The following SMU1 variants were observed in gnomAD, a reference collection of about 807,000 sequenced individuals.
The protein encoded by SMU1 is WD40 repeat-containing protein SMU1.
In SMU1, 2 loss-of-function variants were observed where a neutral mutation model predicts 62.0. The ratio of observed to expected loss-of-function variants is 0.03; its 90% CI spans 0.01 to 0.10. The LOEUF (loss-of-function observed/expected upper bound fraction) is 0.10, where lower values mean the gene tolerates loss of function less well. Among genes scored for constraint, SMU1 ranks in the 10% least tolerant of loss-of-function variants. The probability of loss-of-function intolerance (pLI) is 1.00; values close to 1 mark genes in which losing one functional copy is unlikely to be tolerated. For missense variants in SMU1, 227 were observed against 622.1 expected, an observed-to-expected ratio of 0.36 and a Z score of 6.76; for synonymous variants, 188 against 212.4, an observed-to-expected ratio of 0.89 and a Z score of 1.00.
rs1839184182 is a variant in SMU1 at position 33,046,336 on chromosome 9, G to A, written c.*957C>T. 6.6e-6 allele frequency: 1 copy of A among 152,194 alleles called. No individual in the cohort carries two copies. The highest frequency in any genetic ancestry group is 1.5e-5 in the Non-Finnish European group (1 of 68,050). The allele number at this position is 152,194 out of a possible 1,614,324, so 9.4% of individuals were successfully genotyped here. A position where few individuals can be genotyped will look rare whatever the true frequency, so the allele number is the denominator to read the frequency against. ...ATATTCCCTGGAGTTGACTGAACAT[G>A]TGAGAAGGCACAGCTCAGAAGGAGA... On this transcript the variant is annotated 3_prime_UTR_variant, in exon 12 of 12. Coordinates refer to ENST00000397149, the MANE Select transcript of SMU1 (RefSeq NM_018225.3).
At chr9:33,062,352 A>C (rs1342431636) in intron 4 of SMU1, among the ~76,000 whole-genome samples, 175 bp from the exon 5 acceptor site, 1 of 152,196 alleles carries the variant, frequency 6.6e-6, no homozygotes. Context: ...TGTGTGTCCA[A>C]GAACACAGGC....
intron 6 of SMU1, among the ~76,000 whole-genome samples, chr9:33,059,043 A>C (rs1210060585): frequency 6.6e-6 from 1 of 152,174 alleles, no homozygotes; most frequent in African/African-American, 2.4e-5. Flanking sequence ...CACATAGAAA[A>C]AGATGTTTAA....
Position 33,041,830 on chromosome 9 carries a change from G to A in SMU1, c.*5463C>T, listed in dbSNP as rs1316904179. ...ATACATGGATGAACCTTTAAAACAT[G>A]CTAAATGAAATAAGCCAGATAAAAA... On this transcript the variant is annotated 3_prime_UTR_variant, in exon 12 of 12. Transcript: ENST00000397149. The A allele has an allele frequency of 6.6e-6, 1 of 151,056 alleles. No individual in the cohort carries two copies. Among genetic ancestry groups the A allele is most frequent in the African/African-American group, 2.5e-5 (1 of 40,414 alleles). The allele number at this position is 151,056 out of a possible 1,614,324, so 9.4% of individuals were successfully genotyped here.
At chr9:33,060,773 T>G (rs1839353766) in intron 5 of SMU1, among the ~76,000 whole-genome samples, 189 bp from the exon 6 acceptor site, 1 of 152,330 alleles carries the variant, frequency 6.6e-6, no homozygotes, top group African/African-American at 2.4e-5. Context: ...CTGACTTAGT[T>G]TTAAGTCCAG....
Position 33,073,650 on chromosome 9 carries a change from C to T in SMU1, c.183G>A (p.Gln61=), listed in dbSNP as rs779071926. The change falls in exon 2 of 12, where the codon CAG becomes CAA. Residue 61 remains glutamine (Q), a synonymous_variant. Transcript: ENST00000397149. The stretch of plus-strand genomic sequence containing the variant: ...CTGGCAATTTCAGAGACTGTATAGC[C>T]TGCAACACAGTATCCCAATGGCCAC... ...INSGHWDTVL[Q]AIQSLKLPDK... is the part of the protein sequence containing the mutation. 2 of 1,613,150 alleles carry T rather than the reference C, an allele frequency of 1.2e-6. No homozygotes were observed. The highest frequency in any genetic ancestry group is 1.7e-6 in the Non-Finnish European group (2 of 1,179,844).
intron 6 of SMU1, among the ~76,000 whole-genome samples, chr9:33,058,936 A>G (rs1564022070): frequency 6.6e-6 from 1 of 152,158 alleles, no homozygotes; most frequent in Non-Finnish European, 1.5e-5. Flanking sequence ...TCAATAAAGA[A>G]CAATCCAACA....
chr9:33,075,928 C>A (rs115858067), intron 1 of SMU1, among the ~76,000 whole-genome samples: 126 of 152,304 alleles, frequency 8.3e-4, no homozygotes, highest in African/African-American at 2.9e-3. Context: ...AGCCCAGTCT[C>A]CAGTCTGTCT....
chr9:33,061,209 A>G (rs535244110), intron 5 of SMU1, among the ~76,000 whole-genome samples: 6 of 152,342 alleles, frequency 3.9e-5, no homozygotes, highest in African/African-American at 1.4e-4. Flanking sequence ...TAGAAAGAAC[A>G]AAGAAAAGCT....
At chr9:33,052,145 A>G (rs989731918) in intron 10 of SMU1, among the ~76,000 whole-genome samples, 1 of 152,162 alleles carries the variant, frequency 6.6e-6, no homozygotes, top group African/African-American at 2.4e-5. Context: ...AAAAGAATGC[A>G]TGTAAAAACT....
chr9:33,048,040 T>G, intron 11 of SMU1, 66 bp downstream of exon 11: 3 of 1,502,458 alleles, frequency 2.0e-6, no homozygotes, highest in Non-Finnish European at 2.7e-6. Context: ...AGGCACATAC[T>G]TCAGAGTTCA....
At chr9:33,062,617 G>A (rs1839375694) in intron 4 of SMU1, among the ~76,000 whole-genome samples, 1 of 151,742 alleles carries the variant, frequency 6.6e-6, no homozygotes, top group East Asian at 1.9e-4. Flanking sequence ...CTATCAACAG[G>A]TCATATTAGT....
chr9:33,056,976 A>G lies in SMU1; in HGVS notation c.868-12T>C. Reference sequence around the variant, plus strand: ...TGAATCTTCCACACCTTTATTTGAAAAAAAAAAAAGAATTAAAAAAACCTT... The same window carrying G: ...TGAATCTTCCACACCTTTATTTGAAGAAAAAAAAAGAATTAAAAAAACCTT... On this transcript the variant is annotated splice_polypyrimidine_tract_variant and intron_variant, in intron 7 of 11. Transcript: ENST00000397149. 3 of 1,571,828 alleles carry G rather than the reference A, an allele frequency of 1.9e-6. No homozygotes were observed. Among genetic ancestry groups the G allele is most frequent in the Non-Finnish European group, 2.6e-6 (3 of 1,159,528 alleles).
chr9:33,070,453 C>A (rs1016225873), intron 3 of SMU1, among the ~76,000 whole-genome samples: 2 of 152,170 alleles, frequency 1.3e-5, no homozygotes, highest in African/African-American at 4.8e-5. Flanking sequence ...ATTAGTACAA[C>A]CACTATGGAG....
rs1554681863 is a variant in SMU1, at chr9:33,072,848, A to AAC, written c.237+747_237+748insGT. ...TGTCTCAAAAAAAAAACAAAAAAAA[A>AAC]AACCCGTAAACAAAAACCAAAAACC... On this transcript the variant is annotated intron_variant, in intron 2 of 11. Coordinates refer to ENST00000397149, the MANE Select transcript of SMU1 (RefSeq NM_018225.3). Among the ~76,000 whole-genome samples the AAC allele has an allele frequency of 5.6e-3, 841 of 151,484 alleles. 15 individuals carry two copies. The highest frequency in any genetic ancestry group is 0.02 in the African/African-American group (807 of 40,972).
intron 2 of SMU1, among the ~76,000 whole-genome samples, chr9:33,072,763 A>T (rs1839500992): frequency 6.9e-6 from 1 of 144,226 alleles, no homozygotes; most frequent in South Asian, 2.2e-4. Context: ...CCGGAGATGG[A>T]GGTTGCAGTG....
At chr9:33,056,305 T>G (rs11791939) in intron 8 of SMU1, 66 bp from the exon 9 acceptor site, 201,771 of 1,464,126 alleles carry the variant, frequency 0.14, 14,557 homozygotes, top group Non-Finnish European at 0.15. Flanking sequence ...GACCAACGAT[T>G]GAATGCATTT....
rs2119411746 is a variant in SMU1, at chr9:33,044,497, C to A, written c.*2796G>T. ...CGCCCTGCGCGTGCGCGGCCCGACC[C>A]CGCCGCGGTCTGGCTGTAAGGGCGC... On this transcript the variant is annotated 3_prime_UTR_variant, in exon 12 of 12. Coordinates refer to ENST00000397149, the MANE Select transcript of SMU1 (RefSeq NM_018225.3). The A allele has an allele frequency of 6.6e-6, 1 of 152,506 alleles. No homozygotes were observed. 9.4% of individuals were successfully genotyped at this position (152,506 alleles called of 1,614,324 possible). A position where few individuals can be genotyped will look rare whatever the true frequency, so the allele number is the denominator to read the frequency against.
rs41298163 is a variant in SMU1 at position 33,053,346 on chromosome 9, T to A, written c.1123-56A>T. 30,491 of 1,505,356 alleles carry A rather than the reference T, an allele frequency of 0.02. 390 individuals are homozygous for A. Among genetic ancestry groups the A allele is most frequent in the Non-Finnish European group, 0.023 (26,010 of 1,108,376 alleles). The allele number at this position is 1,505,356 out of a possible 1,614,324, so 93.2% of individuals were successfully genotyped here. On this transcript the variant is annotated intron_variant, in intron 9 of 11. Coordinates refer to ENST00000397149, the MANE Select transcript of SMU1 (RefSeq NM_018225.3). ...TTTTTAGGTATAAAAATTTCTAAAGTTTTAGGGTTTAAAATATTAACAGTT... is the reference window on the plus strand; with the variant it reads ...TTTTTAGGTATAAAAATTTCTAAAGATTTAGGGTTTAAAATATTAACAGTT...
chr9:33,069,634 C>T (rs774070781), intron 3 of SMU1, among the ~76,000 whole-genome samples: 16 of 152,112 alleles, frequency 1.1e-4, no homozygotes, highest in Non-Finnish European at 2.2e-4. Flanking sequence ...AACTCTGTCG[C>T]TACTAAAAAT....
Sources: gnomAD v4.1 joint callset for allele counts (sites outside exome capture counted in the v4.1 genomes callset) on GRCh38, gnomAD v4.1.1 for gene constraint, MANE v1.5 for transcripts, NCBI Gene and HGNC (gene_info 2026-07-23, HGNC 2026-07-21) for gene names.